Variants in SEC23B observed in about 807,000 individuals in gnomAD.
The protein encoded by SEC23B is protein transport protein Sec23B.
Under a neutral mutation model 104.3 loss-of-function variants are expected in SEC23B, and 77 were observed. The observed-to-expected ratio is 0.74, with a 90% CI of 0.61 to 0.89. The LOEUF (loss-of-function observed/expected upper bound fraction) is 0.89, where lower values mean the gene tolerates loss of function less well. SEC23B is among the 40% of genes least tolerant of loss of function. The pLI is 0.00. For synonymous variants in SEC23B, 338 were observed against 332.5 expected (o/e 1.02, Z -0.18); for missense variants, 885 against 949.4 (o/e 0.93, Z 0.89).
At chr20:18,543,532 C>G (rs1378507076) in intron 14 of SEC23B, among the ~76,000 whole-genome samples, 1 of 152,108 alleles carries the variant, frequency 6.6e-6, no homozygotes, top group Non-Finnish European at 1.5e-5. Context: ...AGGGAGATGC[C>G]TTTTATCAGT....
intron 12 of SEC23B, 68 bp downstream of exon 12, chr20:18,535,810 G>C: frequency 6.5e-6 from 8 of 1,227,614 alleles, no homozygotes; most frequent in Non-Finnish European, 8.4e-6. Context: ...TCAAACCAGT[G>C]GTCTCTGGTT....
chr20:18,555,054 A>T (rs2060423204), intron 18 of SEC23B, 54 bp from the exon 19 acceptor site: 1 of 1,506,754 alleles, frequency 6.6e-7, no homozygotes, highest in Non-Finnish European at 9.2e-7. Flanking sequence ...TGTTACATTA[A>T]TATTAATGTC....
At chr20:18,516,463 CT>C (rs2060027201) in intron 4 of SEC23B, among the ~76,000 whole-genome samples, 1 of 151,562 alleles carries the variant, frequency 6.6e-6, no homozygotes, top group African/African-American at 2.4e-5. Context: ...GTTTTTATTA[CT>C]GTAGCTTTGT....
chr20:18,557,942 G>C (rs1303439699), intron 19 of SEC23B, among the ~76,000 whole-genome samples: 1 of 151,520 alleles, frequency 6.6e-6, no homozygotes, highest in Non-Finnish European at 1.5e-5. Context: ...GTAGAGACAG[G>C]GTTTCTCCAT....
chr20:18,522,815 T>A (rs2148895955), intron 4 of SEC23B, among the ~76,000 whole-genome samples: 1 of 152,176 alleles, frequency 6.6e-6, no homozygotes, highest in African/African-American at 2.4e-5. Context: ...CCCAGCACTT[T>A]GAGGGGCTGA....
rs2122201251 is a variant in SEC23B at position 18,560,928 on chromosome 20, A to G, written c.*188A>G. The G allele has an allele frequency of 1.7e-6, 1 of 598,384 alleles. No homozygotes were observed. The highest frequency in any genetic ancestry group is 3.0e-6 in the Non-Finnish European group (1 of 335,722). The allele number at this position is 598,384 out of a possible 1,614,324, so 37.1% of individuals were successfully genotyped here. A position where few individuals can be genotyped will look rare whatever the true frequency, so the allele number is the denominator to read the frequency against. On this transcript the variant is annotated 3_prime_UTR_variant, in exon 20 of 20. Coordinates refer to ENST00000650089, the MANE Select transcript of SEC23B (RefSeq NM_006363.6). ...GTCCTTTTTCTTGCACTATAAAATTATAAGGTCATAAATGTTTTGGTACTT... is the reference window on the plus strand; with the variant it reads ...GTCCTTTTTCTTGCACTATAAAATTGTAAGGTCATAAATGTTTTGGTACTT...
chr20:18,543,081 C>T lies in SEC23B; in HGVS notation c.1574C>T (p.Ala525Val), dbSNP rs777737771. Residue 525 changes from alanine to valine, a missense_variant, in exon 14 of 20, where the codon GCA (alanine) becomes GTA (valine). Coordinates refer to ENST00000650089, the MANE Select transcript of SEC23B (RefSeq NM_006363.6). ...GCAGCATTTGACCAGGAGGCTGCGG[C>T]AGTGTTGATGGCACGGCTTGGGGTG... ...IEAAFDQEAAAVLMARLGVFR... is the reference protein window; with the variant it reads ...IEAAFDQEAAVVLMARLGVFR... The T allele has an allele frequency of 6.2e-7, 1 of 1,614,162 alleles. No individual in the cohort carries two copies. Among genetic ancestry groups the T allele is most frequent in the Admixed American group, 1.7e-5 (1 of 60,016 alleles).
intron 19 of SEC23B, among the ~76,000 whole-genome samples, chr20:18,558,470 A>G (rs931285868): frequency 6.6e-6 from 1 of 152,188 alleles, no homozygotes; most frequent in African/African-American, 2.4e-5. Flanking sequence ...CAAATAGGAA[A>G]GTTTTCAGTC....
chr20:18,534,890 G>A (rs1010051815), intron 11 of SEC23B, among the ~76,000 whole-genome samples: 2 of 152,122 alleles, frequency 1.3e-5, no homozygotes, highest in African/African-American at 4.8e-5. Context: ...AGGCAAGAAG[G>A]GGAGGCATGA....
intron 4 of SEC23B, among the ~76,000 whole-genome samples, chr20:18,520,967 G>C (rs1393977563): frequency 6.6e-6 from 1 of 152,132 alleles, no homozygotes; most frequent in Admixed American, 6.5e-5. Flanking sequence ...CCGATTTTCA[G>C]TGGGGTCCCG....
rs2060422706 is a variant in SEC23B, at chr20:18,555,020, T to C, written c.2149-88T>C. 4.2e-6 allele frequency: 5 copies of C among 1,183,980 alleles called. No homozygotes were observed. The Admixed American group carries it at 7.3e-5, about 17-fold the overall frequency. The allele number at this position is 1,183,980 out of a possible 1,614,324, so 73.3% of individuals were successfully genotyped here. A position where few individuals can be genotyped will look rare whatever the true frequency, so the allele number is the denominator to read the frequency against. On this transcript the variant is annotated intron_variant, in intron 18 of 19. Coordinates refer to ENST00000650089, the MANE Select transcript of SEC23B (RefSeq NM_006363.6). ...AACAATTCTAATTTAACCAAACAAA[T>C]GTTGTAAAAACTTATCTTTTTTCTG...
At chr20:18,509,949 A>T (rs1432750188) in intron 1 of SEC23B, 1 of 152,122 alleles carries the variant, frequency 6.6e-6, no homozygotes, top group East Asian at 1.9e-4. Flanking sequence ...TTCTGGTGAG[A>T]CTCAGCATAA....
At chr20:18,526,216 C>G (rs1486907478) in intron 7 of SEC23B, among the ~76,000 whole-genome samples, 157 bp from the exon 8 acceptor site, 2 of 152,202 alleles carry the variant, frequency 1.3e-5, no homozygotes, top group African/African-American at 4.8e-5. Flanking sequence ...AAGACAAGTG[C>G]TGCTTTTCTG....
rs148149542 is a variant in SEC23B, at chr20:18,529,028, G to C, written c.1109+1417G>C. On this transcript the variant is annotated intron_variant, in intron 9 of 19. Coordinates refer to ENST00000650089, the MANE Select transcript of SEC23B (RefSeq NM_006363.6). ...ACCTTATCCAAATACATTGTTTTCT[G>C]TTCTGAACATTGCAATTTCAAGGGG... Among the ~76,000 whole-genome samples, 32 of 152,330 alleles carry C rather than the reference G, an allele frequency of 2.1e-4. No individual in the cohort carries two copies. The East Asian group carries it at 4.6e-3, about 22-fold the overall frequency.
intron 14 of SEC23B, among the ~76,000 whole-genome samples, chr20:18,544,226 T>C (rs911116): frequency 0.92 from 140,758 of 152,264 alleles, 65,945 homozygotes; most frequent in East Asian, 1. Context: ...AAAGCCACCA[T>C]GGAAAGGCCC....
At chr20:18,551,047 G>T in intron 16 of SEC23B, 42 bp from the exon 17 acceptor site, 1 of 1,265,920 alleles carries the variant, frequency 7.9e-7, no homozygotes, top group Non-Finnish European at 1.1e-6. Flanking sequence ...TGTGTGGGGA[G>T]CAGGGAAGAC....
At chr20:18,524,715 A>G (rs1486465525) in intron 5 of SEC23B, 46 bp downstream of exon 5, 1 of 1,485,608 alleles carries the variant, frequency 6.7e-7, no homozygotes, top group Admixed American at 1.7e-5. Flanking sequence ...ACTTTTTTTT[A>G]AAAGAGACTG....
intron 16 of SEC23B, among the ~76,000 whole-genome samples, chr20:18,549,135 A>G (rs975606811): frequency 8.5e-5 from 13 of 152,234 alleles, no homozygotes; most frequent in African/African-American, 2.9e-4. Context: ...ATAATAGAGG[A>G]TCAAATAACA....
intron 13 of SEC23B, 60 bp from the exon 14 acceptor site, chr20:18,542,959 G>C (rs527906035): frequency 6.2e-7 from 1 of 1,604,724 alleles, no homozygotes; most frequent in East Asian, 2.2e-5. Context: ...TTTCTGAATG[G>C]ATGTCTGGCT....
Sources: allele counts gnomAD v4.1 joint callset (sites outside exome capture counted in the v4.1 genomes callset), GRCh38; gene constraint gnomAD v4.1.1; transcripts MANE v1.5; gene names NCBI Gene and HGNC (gene_info 2026-07-23, HGNC 2026-07-21).